The following DMD variants were observed in gnomAD, a reference collection of about 807,000 sequenced individuals.
The protein encoded by DMD is dystrophin.
Under a neutral mutation model 330.1 loss-of-function variants are expected in DMD, and 63 were observed. That is an observed-to-expected ratio of 0.19 (90% CI 0.16 to 0.24). The LOEUF (loss-of-function observed/expected upper bound fraction) is 0.24. DMD is among the 10% of genes least tolerant of loss of function. The pLI is 1.00. For synonymous variants in DMD, 1,223 were observed against 959.8 expected (o/e 1.27, Z -5.07); for missense variants, 3,344 against 2,684.1 (o/e 1.25, Z -5.43).
chrX:31,443,545 AT>A lies in DMD; in HGVS notation c.9084+935del, dbSNP rs59880042. Among the ~76,000 whole-genome samples the A allele has an allele frequency of 2.9e-3, 298 of 101,762 alleles. 1 individual carries two copies. The highest frequency in any genetic ancestry group is 0.015 in the Middle Eastern group (3 of 198). 88.4% of individuals were successfully genotyped at this position (101,762 alleles called of 115,157 possible). ...ATATTGCAGAGAATTTTATTATCGC[AT>A]TTTTTTTTTTTTGATGAAAGACTGA... is the stretch of plus-strand genomic sequence containing the variant. On this transcript the variant is annotated intron_variant, in intron 60 of 78. Transcript: ENST00000357033.
At chrX:33,226,962 C>T (rs1472942561) in intron 1 of DMD, among the ~76,000 whole-genome samples, 1 of 109,232 alleles carries the variant, frequency 9.2e-6, no homozygotes, top group African/African-American at 3.3e-5. Flanking sequence ...CACTGTTGCA[C>T]TTGCTTTTTT....
intron 7 of DMD, among the ~76,000 whole-genome samples, chrX:32,752,335 T>A: frequency 9.0e-6 from 1 of 111,130 alleles, no homozygotes; most frequent in Non-Finnish European, 1.9e-5. Context: ...GGATGTGAGA[T>A]ACGCAGTCAA....
chrX:32,633,200 C>T (rs777480218), intron 11 of DMD, among the ~76,000 whole-genome samples: 21 of 111,872 alleles, frequency 1.9e-4, no homozygotes, highest in African/African-American at 6.5e-4. Context: ...GAAGTGGCCA[C>T]ACAACGTCTT....
chrX:32,970,048 T>C lies in DMD; in HGVS notation c.93+50091A>G, dbSNP rs2092326936. ...GCTTGTGTTACTCCATAGTCAATGA[T>C]GGCGATGGTCCTCAACTCTTGCCTC... On this transcript the variant is annotated intron_variant, in intron 2 of 78. Transcript: ENST00000357033. Among the ~76,000 whole-genome samples the C allele has an allele frequency of 5.3e-5, 5 of 95,164 alleles. 2 individuals carry two copies. The highest frequency in any genetic ancestry group is 1.4e-4 in the African/African-American group (3 of 21,144). The allele number at this position is 95,164 out of a possible 115,157, so 82.6% of individuals were successfully genotyped here.
At chrX:32,302,315 ATTTG>A in intron 42 of DMD, among the ~76,000 whole-genome samples, 1 of 111,231 alleles carries the variant, frequency 9.0e-6, no homozygotes, top group East Asian at 2.8e-4. Context: ...AAACCATGAT[ATTTG>A]GTGGGTTAAG....
intron 44 of DMD, among the ~76,000 whole-genome samples, chrX:32,062,634 A>T: frequency 9.0e-6 from 1 of 111,194 alleles, no homozygotes; most frequent in Non-Finnish European, 1.9e-5. Context: ...GTATATCGGG[A>T]ATACGTTTCT....
chrX:32,384,911 T>G (rs1412847361), intron 33 of DMD, among the ~76,000 whole-genome samples: 1 of 111,366 alleles, frequency 9.0e-6, no homozygotes, highest in East Asian at 2.8e-4. Flanking sequence ...TACTAAGATA[T>G]CCGTTTATGG....
At chrX:31,383,204 C>T (rs1381180691) in intron 60 of DMD, among the ~76,000 whole-genome samples, 2 of 111,165 alleles carry the variant, frequency 1.8e-5, no homozygotes, top group Non-Finnish European at 3.8e-5. Context: ...GACAACCCCC[C>T]TTTGACTGTA....
intron 2 of DMD, among the ~76,000 whole-genome samples, chrX:32,903,654 A>T (rs2086499575): frequency 9.0e-6 from 1 of 111,577 alleles, no homozygotes; most frequent in African/African-American, 3.3e-5. Context: ...TTTTAAGTAA[A>T]CTACACAATC....
intron 1 of DMD, among the ~76,000 whole-genome samples, chrX:33,228,293 G>A: frequency 9.2e-6 from 1 of 108,575 alleles, no homozygotes; most frequent in East Asian, 2.9e-4. Context: ...GTGTGTGTGT[G>A]TGTGTGTGTG....
At chrX:32,939,715 A>C (rs1157416491) in intron 2 of DMD, among the ~76,000 whole-genome samples, 1 of 111,607 alleles carries the variant, frequency 9.0e-6, no homozygotes, top group African/African-American at 3.2e-5. Context: ...GTTTCAGGAA[A>C]CAAAATCAAT....
chrX:32,814,642 C>T (rs2077591509), intron 6 of DMD, among the ~76,000 whole-genome samples: 1 of 111,458 alleles, frequency 9.0e-6, no homozygotes, highest in South Asian at 3.8e-4. Flanking sequence ...GATGATTCAT[C>T]CAATATGACA....
chrX:31,537,429 C>T (rs1660540858), intron 55 of DMD, among the ~76,000 whole-genome samples: 1 of 111,919 alleles, frequency 8.9e-6, no homozygotes, highest in South Asian at 3.7e-4. Context: ...CAAACCCTTG[C>T]AAGGTTTTAA....
At chrX:32,086,580 T>C (rs900580288) in intron 44 of DMD, among the ~76,000 whole-genome samples, 1 of 111,408 alleles carries the variant, frequency 9.0e-6, no homozygotes, top group Non-Finnish European at 1.9e-5. Flanking sequence ...TCACTGTGGA[T>C]GTGTTCATGA....
At chrX:32,634,792 G>C (rs963341767) in intron 11 of DMD, among the ~76,000 whole-genome samples, 24 of 111,788 alleles carry the variant, frequency 2.1e-4, no homozygotes, top group African/African-American at 7.2e-4. Context: ...GCTGTGAGCT[G>C]TGCTGCCTGG....
At chrX:32,877,997 TCCACATGGGCTTTACCAAAA>T (rs923577590) in intron 2 of DMD, among the ~76,000 whole-genome samples, 11 of 112,230 alleles carry the variant, frequency 9.8e-5, no homozygotes, top group African/African-American at 2.9e-4. Context: ...AATTCTCCTC[TCCACATGGGCTTTACCAAAA>T]CCCAACCTGA....
chrX:33,229,667 C>T (rs1277282182), intron 1 of DMD, among the ~76,000 whole-genome samples: 2 of 111,858 alleles, frequency 1.8e-5, no homozygotes, highest in Admixed American at 9.5e-5. Flanking sequence ...ACTGTAGCTA[C>T]ATAATAAGCC....
At chrX:32,370,706 A>G (rs1285806349) in intron 34 of DMD, among the ~76,000 whole-genome samples, 2 of 110,823 alleles carry the variant, frequency 1.8e-5, no homozygotes, top group East Asian at 5.7e-4. Flanking sequence ...AAGATACGTA[A>G]TTTTTCAGGG....
intron 1 of DMD, among the ~76,000 whole-genome samples, chrX:33,255,084 G>T (rs777609446): frequency 9.1e-6 from 1 of 110,424 alleles, no homozygotes; most frequent in South Asian, 3.8e-4. Context: ...GATATCTATG[G>T]CACTCTATTG....
Sources: gnomAD v4.1 joint callset for allele counts (sites outside exome capture counted in the v4.1 genomes callset) on GRCh38, gnomAD v4.1.1 for gene constraint, MANE v1.5 for transcripts, NCBI Gene and HGNC (gene_info 2026-07-23, HGNC 2026-07-21) for gene names.